The following ARHGAP15 variants were observed in gnomAD, a reference collection of about 807,000 sequenced individuals.
ARHGAP15 encodes the protein rho GTPase-activating protein 15.
Under a neutral mutation model 63.7 loss-of-function variants are expected in ARHGAP15, and 51 were observed. The observed-to-expected ratio is 0.80, with a 90% confidence interval of 0.64 to 1.01. The LOEUF (loss-of-function observed/expected upper bound fraction) is 1.01, where lower values mean the gene tolerates loss of function less well. Among genes scored for constraint, ARHGAP15 ranks in the 50% least tolerant of loss-of-function variants. The probability of loss-of-function intolerance (pLI) is 0.00; values close to 1 mark genes in which losing one functional copy is unlikely to be tolerated. For missense variants in ARHGAP15, 560 were observed against 564.6 expected (o/e 0.99, Z 0.08); for synonymous variants, 191 against 193.8 (o/e 0.99, Z 0.12).
At chr2:143,702,803 G>A (rs1179480602) in intron 12 of ARHGAP15, among the ~76,000 whole-genome samples, 1 of 152,090 alleles carries the variant, frequency 6.6e-6, no homozygotes, top group African/African-American at 2.4e-5. Flanking sequence ...GTTGTCACAT[G>A]AGAACTCATA....
chr2:143,423,514 G>C (rs1376149751), intron 6 of ARHGAP15, among the ~76,000 whole-genome samples: 1 of 152,138 alleles, frequency 6.6e-6, no homozygotes, highest in African/African-American at 2.4e-5. Context: ...AGCTTAATGT[G>C]TAGAAAGGTC....
intron 11 of ARHGAP15, among the ~76,000 whole-genome samples, chr2:143,603,174 G>T (rs1462893607): frequency 6.6e-6 from 1 of 152,152 alleles, no homozygotes; most frequent in Non-Finnish European, 1.5e-5. Flanking sequence ...TGCTGGCCCT[G>T]GACCTCCTTG....
intron 9 of ARHGAP15, among the ~76,000 whole-genome samples, chr2:143,489,281 A>G (rs902631985): frequency 2.6e-5 from 4 of 152,212 alleles, no homozygotes; most frequent in African/African-American, 7.2e-5. Context: ...TACCGAAGCA[A>G]TGGAACCGCT....
At chr2:143,220,183 A>G (rs1221966003) in intron 4 of ARHGAP15, among the ~76,000 whole-genome samples, 2 of 152,020 alleles carry the variant, frequency 1.3e-5, no homozygotes, top group African/African-American at 2.4e-5. Context: ...AGAAGTTATC[A>G]TTGCAATATT....
chr2:143,669,600 C>A (rs1469740074), intron 12 of ARHGAP15, among the ~76,000 whole-genome samples: 1 of 152,170 alleles, frequency 6.6e-6, no homozygotes, highest in Non-Finnish European at 1.5e-5. Context: ...ACAGATGACA[C>A]CTTCTAGCTG....
chr2:143,406,122 T>C (rs1288130177), intron 6 of ARHGAP15, among the ~76,000 whole-genome samples: 2 of 151,976 alleles, frequency 1.3e-5, no homozygotes, highest in Non-Finnish European at 2.9e-5. Context: ...ATGTCTTTTG[T>C]TGTTTTCTCA....
chr2:143,494,804 T>A (rs1228917761), intron 9 of ARHGAP15, among the ~76,000 whole-genome samples: 1 of 152,202 alleles, frequency 6.6e-6, no homozygotes, highest in Non-Finnish European at 1.5e-5. Context: ...CATCCCACAC[T>A]AATCCCATAC....
chr2:143,506,577 C>T (rs1027920925), intron 9 of ARHGAP15, among the ~76,000 whole-genome samples: 4 of 151,976 alleles, frequency 2.6e-5, no homozygotes, highest in African/African-American at 9.7e-5. Flanking sequence ...ATTGTATTAC[C>T]CTTCCCTTCC....
chr2:143,149,473 C>T (rs780265109), intron 1 of ARHGAP15, among the ~76,000 whole-genome samples: 30 of 151,964 alleles, frequency 2.0e-4, no homozygotes, highest in Middle Eastern at 3.4e-3. Flanking sequence ...ATCTGAAACT[C>T]AAGGAAGACT....
At position 143,686,213 on chromosome 2, in the gene ARHGAP15, C is replaced by A. The variant is rs573056925; in HGVS notation, c.1139-17206C>A. Among the ~76,000 whole-genome samples the A allele has an allele frequency of 4.0e-5, 6 of 151,806 alleles. No individual in the cohort carries two copies. In the South Asian group the frequency reaches 1.2e-3, roughly 32 times the overall value. On this transcript the variant is annotated intron_variant, in intron 12 of 13. Coordinates refer to ENST00000295095, the MANE Select transcript of ARHGAP15 (RefSeq NM_018460.4). ...CACGAGGTCAGGAGTTTGAGACCAG[C>A]CTGACCAACATGGTGAAACCCCTCT... is the stretch of plus-strand genomic sequence containing the variant.
intron 13 of ARHGAP15, among the ~76,000 whole-genome samples, chr2:143,762,165 A>G (rs16823000): frequency 0.061 from 9,290 of 152,082 alleles, 949 homozygotes; most frequent in African/African-American, 0.21. Flanking sequence ...TATCTTTGCT[A>G]TGATTTCTTG....
chr2:143,285,969 TAAA>T (rs1682076348), intron 6 of ARHGAP15, among the ~76,000 whole-genome samples: 1 of 152,176 alleles, frequency 6.6e-6, no homozygotes, highest in Non-Finnish European at 1.5e-5. Context: ...AGCAAAAACT[TAAA>T]AATTCTCTGA....
chr2:143,632,066 A>G (rs2678293), intron 12 of ARHGAP15, among the ~76,000 whole-genome samples: 29,450 of 152,008 alleles, frequency 0.19, 3,009 homozygotes, highest in South Asian at 0.25. Context: ...GTAGAATATG[A>G]TGGTTTGATA....
At chr2:143,496,145 A>T (rs1559009842) in intron 9 of ARHGAP15, among the ~76,000 whole-genome samples, 1 of 152,104 alleles carries the variant, frequency 6.6e-6, no homozygotes, top group Non-Finnish European at 1.5e-5. Flanking sequence ...TATAGTTCTC[A>T]GGCAGTTTCT....
chr2:143,724,051 A>ATGTG (rs70982882), intron 13 of ARHGAP15, among the ~76,000 whole-genome samples: 38,397 of 149,590 alleles, frequency 0.26, 5,328 homozygotes, highest in Non-Finnish European at 0.33. Context: ...ATCCACCTTC[A>ATGTG]TGTGTGTGTG....
chr2:143,196,893 G>A (rs886355736), intron 2 of ARHGAP15, among the ~76,000 whole-genome samples: 12 of 151,788 alleles, frequency 7.9e-5, no homozygotes, highest in African/African-American at 2.9e-4. Flanking sequence ...CTGTTTTTAA[G>A]AGAAAATAAT....
intron 11 of ARHGAP15, among the ~76,000 whole-genome samples, chr2:143,593,808 G>T (rs1043245566): frequency 3.1e-4 from 47 of 152,092 alleles, no homozygotes; most frequent in African/African-American, 1.1e-3. Context: ...CACAAGTAAA[G>T]GTCTTTTAAA....
At chr2:143,270,196 C>T (rs1321999105) in intron 6 of ARHGAP15, among the ~76,000 whole-genome samples, 3 of 152,140 alleles carry the variant, frequency 2.0e-5, no homozygotes, top group Non-Finnish European at 4.4e-5. Flanking sequence ...GTCTCTAACT[C>T]CTGACCTTAG....
chr2:143,268,686 T>G (rs1289900560), intron 6 of ARHGAP15, among the ~76,000 whole-genome samples: 1 of 152,104 alleles, frequency 6.6e-6, no homozygotes, highest in East Asian at 1.9e-4. Context: ...TTTGGATAAA[T>G]GTATGAGATG....
Sources: allele counts gnomAD v4.1 joint callset (sites outside exome capture counted in the v4.1 genomes callset), GRCh38; gene constraint gnomAD v4.1.1; transcripts MANE v1.5; gene names NCBI Gene and HGNC (gene_info 2026-07-23, HGNC 2026-07-21).